The following CYTH3 variants were observed in gnomAD, a reference collection of about 807,000 sequenced individuals.
CYTH3 encodes the protein cytohesin 3.
In CYTH3, 23 loss-of-function variants were observed where a neutral mutation model predicts 55.1. That is an observed-to-expected ratio of 0.42 (90% CI 0.30 to 0.59). The LOEUF is 0.59. Among genes scored for constraint, CYTH3 ranks in the 20% least tolerant of loss-of-function variants. CYTH3 has a pLI of 0.20. For missense variants in CYTH3, 413 were observed against 524.8 expected, an observed-to-expected ratio of 0.79 and a Z score of 2.08; for synonymous variants, 249 against 194.9, an observed-to-expected ratio of 1.28 and a Z score of -2.31.
intron 1 of CYTH3, among the ~76,000 whole-genome samples, chr7:6,253,160 C>A (rs1478646532): frequency 6.6e-6 from 1 of 150,926 alleles, no homozygotes; most frequent in Admixed American, 6.6e-5. Context: ...CTATAGGATG[C>A]AAATAATGAT....
chr7:6,219,876 C>A (rs1408510666), intron 1 of CYTH3, among the ~76,000 whole-genome samples: 2 of 151,958 alleles, frequency 1.3e-5, no homozygotes, highest in East Asian at 3.9e-4. Flanking sequence ...GAAAAAAAGA[C>A]AAATTGGAGG....
intron 1 of CYTH3, among the ~76,000 whole-genome samples, chr7:6,191,497 T>A (rs907392118): frequency 4.0e-5 from 6 of 151,712 alleles, no homozygotes; most frequent in African/African-American, 1.5e-4. Context: ...CAATTACAAG[T>A]GGATTAAAAG....
At chr7:6,178,689 G>A (rs879454254) in intron 4 of CYTH3, among the ~76,000 whole-genome samples, 2 of 152,198 alleles carry the variant, frequency 1.3e-5, no homozygotes, top group Non-Finnish European at 2.9e-5. Flanking sequence ...CCCTGTGTAA[G>A]ATACATTTTG....
At chr7:6,220,415 A>C (rs571248073) in intron 1 of CYTH3, among the ~76,000 whole-genome samples, 43 of 152,222 alleles carry the variant, frequency 2.8e-4, no homozygotes, top group Non-Finnish European at 4.7e-4. Flanking sequence ...TTTGAGAGCG[A>C]AGGCTTAGTA....
chr7:6,166,882 C>T (rs1783025652), intron 9 of CYTH3, among the ~76,000 whole-genome samples: 1 of 152,176 alleles, frequency 6.6e-6, no homozygotes, highest in African/African-American at 2.4e-5. Flanking sequence ...TTCCTCCTCT[C>T]CCCACAGGCC....
At chr7:6,250,470 A>G (rs1779932678) in intron 1 of CYTH3, among the ~76,000 whole-genome samples, 1 of 152,194 alleles carries the variant, frequency 6.6e-6, no homozygotes, top group Admixed American at 6.5e-5. Context: ...AAACCAATCC[A>G]AGTCTCAGTT....
chr7:6,243,261 C>G (rs1779719936), intron 1 of CYTH3, among the ~76,000 whole-genome samples: 2 of 152,200 alleles, frequency 1.3e-5, no homozygotes, highest in African/African-American at 4.8e-5. Context: ...GCGGGCTGGG[C>G]CTGTGTCTCT....
chr7:6,187,870 G>C (rs1367186305), intron 2 of CYTH3, 149 bp from the exon 3 acceptor site: 3 of 676,972 alleles, frequency 4.4e-6, no homozygotes, highest in Non-Finnish European at 5.3e-6. Flanking sequence ...TATCAATACA[G>C]CTAGAGCTTC....
intron 1 of CYTH3, among the ~76,000 whole-genome samples, chr7:6,219,987 C>T (rs756712630): frequency 1.2e-4 from 19 of 152,080 alleles, no homozygotes; most frequent in Non-Finnish European, 1.9e-4. Context: ...GAAGAGAGAA[C>T]TCAGAAGAGC....
At chr7:6,269,997 C>T (rs1216600061) in intron 1 of CYTH3, among the ~76,000 whole-genome samples, 1 of 152,190 alleles carries the variant, frequency 6.6e-6, no homozygotes, top group Admixed American at 6.5e-5. Flanking sequence ...ATGTACTACA[C>T]TCTAAAAATA....
At chr7:6,183,582 C>T (rs1343896865) in intron 4 of CYTH3, among the ~76,000 whole-genome samples, 1 of 152,168 alleles carries the variant, frequency 6.6e-6, no homozygotes. Flanking sequence ...TAGAAAACAC[C>T]ATCCTAGCTG....
At chr7:6,176,677 G>C (rs570516128) in intron 5 of CYTH3, among the ~76,000 whole-genome samples, 17 of 152,240 alleles carry the variant, frequency 1.1e-4, no homozygotes, top group Non-Finnish European at 2.1e-4. Flanking sequence ...TCTGCAAATA[G>C]AATTTAATTT....
chr7:6,192,609 G>A (rs919323847), intron 1 of CYTH3, among the ~76,000 whole-genome samples: 7 of 140,654 alleles, frequency 5.0e-5, no homozygotes, highest in Non-Finnish European at 1.0e-4. Flanking sequence ...TCAGCTCACT[G>A]CAACCTCCAC....
chr7:6,216,371 A>G (rs1335470723), intron 1 of CYTH3, among the ~76,000 whole-genome samples: 6 of 152,106 alleles, frequency 3.9e-5, no homozygotes, highest in African/African-American at 1.4e-4. Context: ...CTTATTATAC[A>G]TACATATATA....
chr7:6,170,608 G>C lies in CYTH3; in HGVS notation c.750C>G (p.Ile250Met). ...TCAGGTCGTTCCCGTCGTCCTCCGG[G>C]ATCTTAAATGGCTCGTTCTTAATGC... ...YESIKNEPFKIPEDDGNDLTH... is the reference protein window; with the variant it reads ...YESIKNEPFKMPEDDGNDLTH... Residue 250 changes from isoleucine to methionine, a missense_variant, in exon 9 of 13, where the codon ATC (isoleucine) becomes ATG (methionine). Around this residue, in one of 4 missense-constraint regions of CYTH3, gnomAD observed 156 missense variants for 233.1 expected, o/e 0.67. Transcript: ENST00000350796. The surrounding 1 kb of genome is among the most constrained non-coding windows in gnomAD (Gnocchi z 7.8). 6.2e-7 allele frequency: 1 copy of C among 1,613,986 alleles called. No homozygotes were observed. Among genetic ancestry groups the C allele is most frequent in the East Asian group, 2.2e-5 (1 of 44,868 alleles).
chr7:6,242,741 C>G (rs1030411881), intron 1 of CYTH3, among the ~76,000 whole-genome samples: 1 of 152,104 alleles, frequency 6.6e-6, no homozygotes, highest in African/African-American at 2.4e-5. Context: ...GGGATGAGCT[C>G]AAGATTGGAG....
chr7:6,172,195 G>T (rs1245817334), intron 6 of CYTH3: 1 of 152,718 alleles, frequency 6.5e-6, no homozygotes, highest in Non-Finnish European at 1.5e-5. Context: ...GCCATCGGGG[G>T]AGGATGCAGC....
rs71549614 is a variant in CYTH3 at position 6,261,689 on chromosome 7, C to CAAAAAA, written c.34+10779_34+10784dup. On this transcript the variant is annotated intron_variant, in intron 1 of 12. Transcript: ENST00000350796. ...TAGGCGACAGAGTGAGACCCTGTCT[C>CAAAAAA]AAAAAAAAAAAAAAAAAAAAAAAAA... Among the ~76,000 whole-genome samples the CAAAAAA allele has an allele frequency of 4.5e-3, 214 of 47,472 alleles. 3 individuals carry two copies. The highest frequency in any genetic ancestry group is 7.7e-3 in the Non-Finnish European group (187 of 24,290). The allele number at this position is 47,472 out of a possible 152,430, so 31.1% of individuals were successfully genotyped here.
chr7:6,171,341 G>A lies in CYTH3; in HGVS notation c.450-27C>T, dbSNP rs1383944757. The A allele has an allele frequency of 3.1e-6, 5 of 1,609,998 alleles. No individual in the cohort carries two copies. The Middle Eastern group carries it at 4.9e-4, about 159-fold the overall frequency. ...TGTGGAGACACCAAAGCCATGGGAA[G>A]CCGCATCAGAACCAACACCGCCTCA... On this transcript the variant is annotated intron_variant, in intron 6 of 12. Transcript: ENST00000350796. The surrounding 1 kb of genome is among the most constrained non-coding windows in gnomAD (Gnocchi z 6.7).
Sources: allele counts gnomAD v4.1 joint callset (sites outside exome capture counted in the v4.1 genomes callset), GRCh38; gene constraint gnomAD v4.1.1; regional missense constraint gnomAD v4.1.1; non-coding constraint Gnocchi (gnomAD v3.1); transcripts MANE v1.5; gene names NCBI Gene and HGNC (gene_info 2026-07-23, HGNC 2026-07-21).